The following ERC2 variants were observed in gnomAD, a reference collection of about 807,000 sequenced individuals.
ERC2 encodes the protein ELKS/RAB6-interacting/CAST family member 2.
In ERC2, 42 loss-of-function variants were observed where a neutral mutation model predicts 114.8. The observed-to-expected ratio is 0.37, with a 90% CI of 0.29 to 0.47. ERC2 has a LOEUF of 0.47. Among genes scored for constraint, ERC2 ranks in the 20% least tolerant of loss-of-function variants. The pLI is 0.99. For missense variants in ERC2, 939 were observed against 1,150.7 expected (o/e 0.82, Z 2.66); for synonymous variants, 454 against 425.5 (o/e 1.07, Z -0.82).
chr3:55,864,717 C>T (rs1477673224), intron 14 of ERC2, among the ~76,000 whole-genome samples: 1 of 152,144 alleles, frequency 6.6e-6, no homozygotes, highest in Non-Finnish European at 1.5e-5. Flanking sequence ...CTCAGAAGCC[C>T]TTCAAACTCA....
intron 14 of ERC2, among the ~76,000 whole-genome samples, chr3:55,828,062 C>T (rs934935012): frequency 6.6e-6 from 1 of 152,156 alleles, no homozygotes; most frequent in Non-Finnish European, 1.5e-5. Context: ...CAACTGTGAC[C>T]GTCTGGAAAA....
chr3:55,620,595 G>A (rs898341174), intron 17 of ERC2, among the ~76,000 whole-genome samples: 4 of 152,038 alleles, frequency 2.6e-5, no homozygotes, highest in Non-Finnish European at 5.9e-5. Context: ...TCTCTTCTTC[G>A]CAGGTATATG....
At chr3:55,918,977 C>G (rs548990250) in intron 13 of ERC2, among the ~76,000 whole-genome samples, 2 of 152,018 alleles carry the variant, frequency 1.3e-5, no homozygotes, top group Admixed American at 6.6e-5. Flanking sequence ...TATTCTCATA[C>G]GTTTTCTCAA....
At position 55,879,099 on chromosome 3, in the gene ERC2, A is replaced by ATTTTTTTTTTTT. The variant is rs3047064; in HGVS notation, c.2564+9289_2564+9290insAAAAAAAAAAAA. On this transcript the variant is annotated intron_variant, in intron 14 of 17. Coordinates refer to ENST00000288221, the MANE Select transcript of ERC2 (RefSeq NM_015576.3). Reference sequence around the variant, plus strand: ...CTTTTCTTTTTTTTTCTTTTTCTTAATTTTTTTTTTTGGCAGAGTTTCTGC... The same window carrying ATTTTTTTTTTTT: ...CTTTTCTTTTTTTTTCTTTTTCTTAATTTTTTTTTTTTTTTTTTTTTTTGGCAGAGTTTCTGC... 2.3e-4 allele frequency among the ~76,000 whole-genome samples: 30 copies of ATTTTTTTTTTTT among 127,824 alleles called. 1 individual carries two copies. Among genetic ancestry groups the ATTTTTTTTTTTT allele is most frequent in the African/African-American group, 7.5e-4 (25 of 33,532 alleles). 83.9% of individuals were successfully genotyped at this position (127,824 alleles called of 152,430 possible). A position where few individuals can be genotyped will look rare whatever the true frequency, so the allele number is the denominator to read the frequency against.
At chr3:55,636,756 T>C (rs1437690851) in intron 17 of ERC2, among the ~76,000 whole-genome samples, 1 of 152,174 alleles carries the variant, frequency 6.6e-6, no homozygotes, top group Non-Finnish European at 1.5e-5. Flanking sequence ...CAAAACTTTA[T>C]TTACAAAAAC....
At chr3:56,412,072 A>C (rs1406048655) in intron 2 of ERC2, among the ~76,000 whole-genome samples, 2 of 152,234 alleles carry the variant, frequency 1.3e-5, no homozygotes, top group Non-Finnish European at 2.9e-5. Flanking sequence ...ATTTAGGACA[A>C]GCCCTAAGTC....
chr3:55,860,836 C>T (rs900724162), intron 14 of ERC2, among the ~76,000 whole-genome samples: 6 of 152,108 alleles, frequency 3.9e-5, no homozygotes, highest in African/African-American at 1.2e-4. Context: ...AGACTAAACA[C>T]AGTATGACAG....
At chr3:55,584,455 C>T (rs1345727659) in intron 17 of ERC2, among the ~76,000 whole-genome samples, 1 of 152,038 alleles carries the variant, frequency 6.6e-6, no homozygotes, top group Non-Finnish European at 1.5e-5. Context: ...CTTCCTCTAC[C>T]CTTGCCTCGC....
intron 14 of ERC2, among the ~76,000 whole-genome samples, chr3:55,831,557 C>A (rs964469904): frequency 6.6e-6 from 1 of 151,990 alleles, no homozygotes; most frequent in African/African-American, 2.4e-5. Context: ...AAATGGTAAA[C>A]CTAAATAAAA....
At chr3:56,070,514 G>C (rs1160026738) in intron 7 of ERC2, among the ~76,000 whole-genome samples, 1 of 149,526 alleles carries the variant, frequency 6.7e-6, no homozygotes, top group African/African-American at 2.4e-5. Flanking sequence ...TAGAATATAA[G>C]GTCTTAACCC....
At chr3:56,253,171 C>G (rs756986766) in intron 3 of ERC2, among the ~76,000 whole-genome samples, 22 of 152,096 alleles carry the variant, frequency 1.4e-4, no homozygotes, top group Non-Finnish European at 2.8e-4. Flanking sequence ...AACTCTGGCT[C>G]CAGAGACCAT....
intron 14 of ERC2, among the ~76,000 whole-genome samples, chr3:55,834,373 C>T (rs1297040037): frequency 6.6e-5 from 10 of 152,290 alleles, no homozygotes; most frequent in Non-Finnish European, 5.9e-5. Context: ...AAGCTCTCCT[C>T]AGCAAATGTA....
chr3:56,299,130 TG>T (rs750411417), intron 2 of ERC2, among the ~76,000 whole-genome samples: 6,346 of 88,334 alleles, frequency 0.072, 530 homozygotes, highest in African/African-American at 0.18. Context: ...TTTTTTTTTT[TG>T]TTTGTTTGTT....
At chr3:56,112,562 A>G (rs557229042) in intron 6 of ERC2, among the ~76,000 whole-genome samples, 4 of 152,234 alleles carry the variant, frequency 2.6e-5, no homozygotes, top group Non-Finnish European at 4.4e-5. Flanking sequence ...AGAGTATCAC[A>G]TTAAAACAAT....
chr3:56,009,837 T>C (rs182367791), intron 9 of ERC2, among the ~76,000 whole-genome samples: 161 of 152,316 alleles, frequency 1.1e-3, no homozygotes, highest in African/African-American at 3.7e-3. Flanking sequence ...AAGTATAAGA[T>C]TTTACTTTAA....
chr3:55,915,496 C>T (rs748174008), intron 13 of ERC2, among the ~76,000 whole-genome samples: 3 of 152,010 alleles, frequency 2.0e-5, no homozygotes, highest in Non-Finnish European at 4.4e-5. Context: ...ATATTTTAGG[C>T]CTCTTGATAA....
At chr3:56,370,595 GTT>G (rs71621814) in intron 2 of ERC2, among the ~76,000 whole-genome samples, 2,424 of 123,956 alleles carry the variant, frequency 0.02, 65 homozygotes, top group African/African-American at 0.068. Context: ...GGGTTTTTTT[GTT>G]TTTTTTTTTT....
At chr3:56,144,240 A>G (rs1293897352) in intron 5 of ERC2, among the ~76,000 whole-genome samples, 2 of 152,232 alleles carry the variant, frequency 1.3e-5, no homozygotes, top group Non-Finnish European at 2.9e-5. Context: ...GGTCATTTTT[A>G]TGTGGAACAA....
intron 14 of ERC2, among the ~76,000 whole-genome samples, chr3:55,857,765 G>C (rs1040017407): frequency 6.6e-6 from 1 of 152,180 alleles, no homozygotes; most frequent in Non-Finnish European, 1.5e-5. Flanking sequence ...TGTCTGGCAA[G>C]ATCAGCCTTG....
Sources: allele counts gnomAD v4.1 joint callset (sites outside exome capture counted in the v4.1 genomes callset), GRCh38; gene constraint gnomAD v4.1.1; transcripts MANE v1.5; gene names NCBI Gene and HGNC (gene_info 2026-07-23, HGNC 2026-07-21).